BICD1: variants seen among roughly 807,000 people sequenced by gnomAD.
BICD1 encodes BICD cargo adaptor 1.
Under a neutral mutation model 92.5 loss-of-function variants are expected in BICD1, and 35 were observed. That is an observed-to-expected ratio of 0.38 (90% CI 0.29 to 0.50). The LOEUF (loss-of-function observed/expected upper bound fraction) is 0.50. Among genes scored for constraint, BICD1 ranks in the 20% least tolerant of loss-of-function variants. The pLI, the probability that BICD1 is intolerant of heterozygous loss-of-function variation, is 0.93. For missense variants in BICD1, 950 were observed against 1,189.8 expected, an observed-to-expected ratio of 0.80 and a Z score of 2.97; for synonymous variants, 429 against 465.1, an observed-to-expected ratio of 0.92 and a Z score of 1.00.
intron 8 of BICD1, among the ~76,000 whole-genome samples, chr12:32,351,079 T>C (rs1938848841): frequency 6.6e-6 from 1 of 152,038 alleles, no homozygotes; most frequent in Non-Finnish European, 1.5e-5. Context: ...AGGGACTGCT[T>C]CTGGAGCCGG....
intron 4 of BICD1, among the ~76,000 whole-genome samples, chr12:32,311,692 T>C (rs984580860): frequency 2.6e-5 from 4 of 152,188 alleles, no homozygotes; most frequent in African/African-American, 4.8e-5. Flanking sequence ...AGTTTTATTG[T>C]GCAGAGGAAG....
intron 1 of BICD1, among the ~76,000 whole-genome samples, chr12:32,188,875 C>G (rs945062890): frequency 5.9e-5 from 9 of 151,928 alleles, no homozygotes; most frequent in African/African-American, 1.9e-4. Flanking sequence ...CTACAGGCGC[C>G]CACTACCATG....
At chr12:32,246,054 A>AAT (rs1555155946) in intron 2 of BICD1, among the ~76,000 whole-genome samples, 4 of 140,976 alleles carry the variant, frequency 2.8e-5, no homozygotes, top group South Asian at 2.2e-4. Context: ...AAAAAAAAAA[A>AAT]GGAAAAAGGA....
At chr12:32,142,405 TAAAAAAAAAAAA>T (rs1162662533) in intron 1 of BICD1, among the ~76,000 whole-genome samples, 4 of 63,388 alleles carry the variant, frequency 6.3e-5, no homozygotes, top group Admixed American at 4.8e-4. Context: ...AGACTCTGTC[TAAAAAAAAAAAA>T]AAAAAAAAAA....
At chr12:32,276,985 G>A (rs1454817339) in intron 2 of BICD1, among the ~76,000 whole-genome samples, 1 of 152,038 alleles carries the variant, frequency 6.6e-6, no homozygotes, top group Admixed American at 6.6e-5. Context: ...TGACAACTCT[G>A]GACGTCCCCC....
chr12:32,253,776 T>G (rs959423606), intron 2 of BICD1, among the ~76,000 whole-genome samples: 22 of 152,174 alleles, frequency 1.4e-4, no homozygotes, highest in Non-Finnish European at 3.1e-4. Context: ...TCATGCTGTA[T>G]CTCACCTGTC....
chr12:32,287,635 C>T (rs1947607866), intron 2 of BICD1, among the ~76,000 whole-genome samples: 1 of 150,630 alleles, frequency 6.6e-6, no homozygotes, highest in South Asian at 2.1e-4. Context: ...CTCCTGGGTT[C>T]ACGCCATTCT....
intron 1 of BICD1, among the ~76,000 whole-genome samples, chr12:32,167,500 G>C (rs1317666313): frequency 1.3e-5 from 2 of 151,970 alleles, no homozygotes; most frequent in African/African-American, 4.8e-5. Context: ...CTGTCGCCCA[G>C]GCTGGAGTGC....
At chr12:32,203,182 C>A (rs971264226) in intron 1 of BICD1, among the ~76,000 whole-genome samples, 1 of 152,064 alleles carries the variant, frequency 6.6e-6, no homozygotes, top group African/African-American at 2.4e-5. Flanking sequence ...ATTTCATACA[C>A]AAAAATCAAT....
rs1383453327 is a variant in BICD1 at position 32,381,614 on chromosome 12, T to A, written c.*3987T>A. On this transcript the variant is annotated 3_prime_UTR_variant, in exon 10 of 10. Coordinates refer to ENST00000652176, the MANE Select transcript of BICD1 (RefSeq NM_001714.4). Reference sequence around the variant, plus strand: ...TCTTTTCTTCTGGGATGAGTGTCAATTTTAATGTATAATTGTCATAATCAA... The same window carrying A: ...TCTTTTCTTCTGGGATGAGTGTCAAATTTAATGTATAATTGTCATAATCAA... 1 of 152,112 alleles carries A rather than the reference T, an allele frequency of 6.6e-6. No individual in the cohort carries two copies. Among genetic ancestry groups the A allele is most frequent in the African/African-American group, 2.4e-5 (1 of 41,452 alleles). 9.4% of individuals were successfully genotyped at this position (152,112 alleles called of 1,614,324 possible).
intron 1 of BICD1, among the ~76,000 whole-genome samples, chr12:32,194,049 T>C (rs1325784062): frequency 1.3e-5 from 2 of 152,298 alleles, no homozygotes; most frequent in Middle Eastern, 3.4e-3. Context: ...TTCAAATATA[T>C]GCAAATTAGT....
At chr12:32,264,925 A>G (rs1946950574) in intron 2 of BICD1, among the ~76,000 whole-genome samples, 1 of 152,284 alleles carries the variant, frequency 6.6e-6, no homozygotes, top group South Asian at 2.1e-4. Flanking sequence ...GATGTTTTGC[A>G]GAATAGGCAT....
chr12:32,329,942 G>T (rs73295877), intron 5 of BICD1, among the ~76,000 whole-genome samples: 2 of 152,140 alleles, frequency 1.3e-5, no homozygotes, highest in African/African-American at 4.8e-5. Context: ...TGTTGGTGTT[G>T]ATAAAGAGAA....
chr12:32,153,425 C>T (rs919413647), intron 1 of BICD1, among the ~76,000 whole-genome samples: 18 of 151,958 alleles, frequency 1.2e-4, no homozygotes, highest in East Asian at 7.8e-4. Flanking sequence ...TGTTTTCTTA[C>T]GGATATATAC....
At chr12:32,309,221 A>G (rs1948312243) in intron 4 of BICD1, among the ~76,000 whole-genome samples, 1 of 152,202 alleles carries the variant, frequency 6.6e-6, no homozygotes, top group African/African-American at 2.4e-5. Context: ...TTTGATGTTA[A>G]TAAGGATTAA....
At chr12:32,272,180 G>A (rs1947159065) in intron 2 of BICD1, among the ~76,000 whole-genome samples, 1 of 151,906 alleles carries the variant, frequency 6.6e-6, no homozygotes, top group African/African-American at 2.4e-5. Context: ...TCATATACAT[G>A]TTGCTCCTGG....
intron 3 of BICD1, among the ~76,000 whole-genome samples, chr12:32,295,189 G>C (rs1210141427): frequency 6.6e-6 from 1 of 151,890 alleles, no homozygotes; most frequent in South Asian, 2.1e-4. Flanking sequence ...GCTGTAATGG[G>C]GGTTTGATAG....
chr12:32,107,835 A>G (rs1941543914), intron 1 of BICD1: 1 of 679,104 alleles, frequency 1.5e-6, no homozygotes, highest in African/African-American at 1.8e-5. Flanking sequence ...ACGACATTCA[A>G]GTGGGTTGGA....
intron 9 of BICD1, among the ~76,000 whole-genome samples, chr12:32,374,579 T>TC: frequency 6.7e-6 from 1 of 149,442 alleles, no homozygotes; most frequent in East Asian, 2.0e-4. Context: ...TTTTTTTTTT[T>TC]TTTTTGAGAC....
Sources: gnomAD v4.1 joint callset for allele counts (sites outside exome capture counted in the v4.1 genomes callset) on GRCh38, gnomAD v4.1.1 for gene constraint, MANE v1.5 for transcripts, NCBI Gene and HGNC (gene_info 2026-07-23, HGNC 2026-07-21) for gene names.